CENPC: variants seen among roughly 807,000 people sequenced by gnomAD.
The protein encoded by CENPC is centromere protein C.
A neutral mutation model predicts 112.1 loss-of-function variants in CENPC; 63 were observed. That is an observed-to-expected ratio of 0.56 (90% CI 0.46 to 0.69). The LOEUF is 0.69. CENPC is among the 30% of genes least tolerant of loss of function. The probability of loss-of-function intolerance (pLI) is 0.00; values close to 1 mark genes in which losing one functional copy is unlikely to be tolerated. For missense variants in CENPC, 1,000 were observed against 1,103.8 expected (o/e 0.91, Z 1.33); for synonymous variants, 333 against 367.6 (o/e 0.91, Z 1.08).
chr4:67,501,016 A>G (rs1440865671), intron 12 of CENPC, among the ~76,000 whole-genome samples: 1 of 152,162 alleles, frequency 6.6e-6, no homozygotes, highest in Non-Finnish European at 1.5e-5. Flanking sequence ...ATCAGGATTG[A>G]TATCATGTCA....
intron 12 of CENPC, among the ~76,000 whole-genome samples, chr4:67,498,137 G>C (rs58009718): frequency 6.6e-6 from 1 of 151,906 alleles, no homozygotes; most frequent in Non-Finnish European, 1.5e-5. Flanking sequence ...TGGTGGCTGC[G>C]GCAAGAGAAT....
At chr4:67,515,823 G>C (rs1726044055) in intron 7 of CENPC, among the ~76,000 whole-genome samples, 1 of 151,738 alleles carries the variant, frequency 6.6e-6, no homozygotes, top group South Asian at 2.1e-4. Context: ...ACAGAAACAG[G>C]AAAAATAAAA....
rs544517648 is a variant in CENPC, at chr4:67,495,323, G to A, written c.2132-111C>T. 26 of 1,008,224 alleles carry A rather than the reference G, an allele frequency of 2.6e-5. No individual in the cohort carries two copies. The East Asian group carries it at 7.0e-4, about 27-fold the overall frequency. 62.5% of individuals were successfully genotyped at this position (1,008,224 alleles called of 1,614,324 possible). ...GAGTATTTTAAATAAAGTTTGACCT[G>A]ATAATGTATTTTATTACTCCTTTTG... On this transcript the variant is annotated intron_variant, in intron 12 of 18. Coordinates refer to ENST00000273853, the MANE Select transcript of CENPC (RefSeq NM_001812.4).
chr4:67,487,560 T>A (rs1725127055), intron 17 of CENPC, among the ~76,000 whole-genome samples: 2 of 151,796 alleles, frequency 1.3e-5, no homozygotes, highest in South Asian at 4.1e-4. Context: ...CTGGTTCTTT[T>A]AAGTAGGTTG....
chr4:67,517,428 C>T (rs1442403406), intron 7 of CENPC, among the ~76,000 whole-genome samples: 1 of 151,628 alleles, frequency 6.6e-6, no homozygotes, highest in Non-Finnish European at 1.5e-5. Flanking sequence ...TATCAAAGTG[C>T]TAGCATTACA....
Position 67,492,959 on chromosome 4 carries a change from T to C in CENPC, c.2329A>G (p.Ile777Val), listed in dbSNP as rs1725325433. Residue 777 changes from isoleucine (I) to valine (V), a missense_variant, in exon 15 of 19, where the codon ATA becomes GTA. Ile to Val is a conservative substitution (Grantham distance 29, BLOSUM62 3). Transcript: ENST00000273853. ...TCTTTTGCCTTCCTTTTAGACGATATTGTGTCTGGAGATAGTACTCCACTA... is the reference window on the plus strand; with the variant it reads ...TCTTTTGCCTTCCTTTTAGACGATACTGTGTCTGGAGATAGTACTCCACTA... Reference protein sequence around the residue: ...VISGVLSPDTISSKRKAKENI... With the variant: ...VISGVLSPDTVSSKRKAKENI... The C allele has an allele frequency of 1.3e-6, 2 of 1,552,100 alleles. No homozygotes were observed. Among genetic ancestry groups the C allele is most frequent in the Non-Finnish European group, 8.7e-7 (1 of 1,148,190 alleles).
At position 67,508,911 on chromosome 4, in the gene CENPC, T is replaced by C; in HGVS notation, c.1807A>G (p.Ile603Val). 1 of 1,613,714 alleles carries C rather than the reference T, an allele frequency of 6.2e-7. No individual in the cohort carries two copies. The highest frequency in any genetic ancestry group is 1.7e-4 in the Middle Eastern group (1 of 6,054). Residue 603 changes from isoleucine to valine, a missense_variant, in exon 10 of 19, where the codon ATC (isoleucine) becomes GTC (valine). By Grantham distance (29) the Ile-to-Val change is conservative (BLOSUM62 3). Coordinates refer to ENST00000273853, the MANE Select transcript of CENPC (RefSeq NM_001812.4). ...KFLNAEGSGG[I>V]VGHDEISRCS... is the part of the protein sequence containing the mutation. ...CTGGAAATTTCATCATGACCAACGA[T>C]ACCTCCAGAACCTTCAGCATTTAAA...
At chr4:67,531,518 C>T (rs904351810) in intron 4 of CENPC, among the ~76,000 whole-genome samples, 7 of 152,180 alleles carry the variant, frequency 4.6e-5, no homozygotes, top group Non-Finnish European at 1.0e-4. Context: ...CGCCAGCCTG[C>T]CTAGACTGTT....
intron 7 of CENPC, 30 bp downstream of exon 7, chr4:67,518,126 G>A: frequency 8.2e-7 from 1 of 1,218,602 alleles, no homozygotes; most frequent in Non-Finnish European, 1.1e-6. Context: ...AAAGAAAAAT[G>A]TCTCAAAGGG....
chr4:67,493,749 G>T, intron 14 of CENPC, 135 bp downstream of exon 14: 2 of 575,248 alleles, frequency 3.5e-6, no homozygotes, highest in South Asian at 4.4e-5. Flanking sequence ...AGACAAAAAT[G>T]AATTTAAATC....
rs540938441 is a variant in CENPC at position 67,522,434 on chromosome 4, C to T, written c.332-2932G>A. ...ACACATATTTGACACCTGGTCTTGACTGCAGGCTGGGAGTCTTTTCTCTCC... is the reference window on the plus strand; with the variant it reads ...ACACATATTTGACACCTGGTCTTGATTGCAGGCTGGGAGTCTTTTCTCTCC... On this transcript the variant is annotated intron_variant, in intron 5 of 18. Coordinates refer to ENST00000273853, the MANE Select transcript of CENPC (RefSeq NM_001812.4). 3.3e-5 allele frequency among the ~76,000 whole-genome samples: 5 copies of T among 152,274 alleles called. No homozygotes were observed. The South Asian group carries it at 1.0e-3, about 32-fold the overall frequency.
intron 12 of CENPC, among the ~76,000 whole-genome samples, chr4:67,498,609 A>C (rs542969865): frequency 6.6e-6 from 1 of 152,338 alleles, no homozygotes; most frequent in African/African-American, 2.4e-5. Context: ...TCGTTCTTCC[A>C]TAAGAAGCAA....
Position 67,518,145 on chromosome 4 carries a change from T to C in CENPC, c.830+11A>G, listed in dbSNP as rs1174099545. The C allele has an allele frequency of 6.8e-7, 1 of 1,464,018 alleles. No individual in the cohort carries two copies. Among genetic ancestry groups the C allele is most frequent in the East Asian group, 2.4e-5 (1 of 41,342 alleles). 90.7% of individuals were successfully genotyped at this position (1,464,018 alleles called of 1,614,324 possible). ...AAAAATGTCTCAAAGGGCAGTTTCT[T>C]AATAACTCACCTGGATTCACTTTTT... On this transcript the variant is annotated intron_variant, in intron 7 of 18. Coordinates refer to ENST00000273853, the MANE Select transcript of CENPC (RefSeq NM_001812.4).
rs1477974807 is a variant in CENPC, at chr4:67,491,466, TATATATATATATATAG to T, written c.2515+698_2515+713del. Among the ~76,000 whole-genome samples, 227 of 61,240 alleles carry T rather than the reference TATATATATATATATAG, an allele frequency of 3.7e-3. 3 individuals are homozygous for T. Among genetic ancestry groups the T allele is most frequent in the African/African-American group, 0.012 (205 of 17,564 alleles). The allele number at this position is 61,240 out of a possible 152,430, so 40.2% of individuals were successfully genotyped here. ...TATTTCATATATATATATATATATA[TATATATATATATATAG>T]AGAGAGAGAGAGAGAGAGAGAGAGA... is the stretch of plus-strand genomic sequence containing the variant. On this transcript the variant is annotated intron_variant, in intron 16 of 18. Coordinates refer to ENST00000273853, the MANE Select transcript of CENPC (RefSeq NM_001812.4).
At chr4:67,541,348 G>T (rs1431992821) in intron 2 of CENPC, among the ~76,000 whole-genome samples, 4 of 151,962 alleles carry the variant, frequency 2.6e-5, no homozygotes, top group African/African-American at 9.7e-5. Context: ...AAATTTTTTT[G>T]AATGAATCCA....
chr4:67,514,627 C>G lies in CENPC; in HGVS notation c.891G>C (p.Lys297Asn), dbSNP rs1406665977. The G allele has an allele frequency of 6.2e-7, 1 of 1,607,788 alleles. No homozygotes were observed. The highest frequency in any genetic ancestry group is 8.5e-7 in the Non-Finnish European group (1 of 1,177,230). Residue 297 changes from lysine (K) to asparagine (N), a missense_variant, in exon 8 of 19, where the codon AAG becomes AAC. Transcript: ENST00000273853. ...PPHSCPPDDT[K>N]LIEDEFIIDE... is the part of the protein sequence containing the mutation. ...CAATTATAAATTCATCCTCTATCAA[C>G]TTCGTATCATCGGGAGGACACGAAT...
chr4:67,489,495 T>TC, intron 17 of CENPC, among the ~76,000 whole-genome samples: 1 of 152,086 alleles, frequency 6.6e-6, no homozygotes, highest in African/African-American at 2.4e-5. Flanking sequence ...CAGGTTACTG[T>TC]TTTATTGATA....
chr4:67,491,379 T>C (rs1725253539), intron 16 of CENPC, among the ~76,000 whole-genome samples: 1 of 148,124 alleles, frequency 6.8e-6, no homozygotes, highest in Non-Finnish European at 1.5e-5. Flanking sequence ...TCTCCTCTGA[T>C]ATAGGACAAA....
intron 5 of CENPC, among the ~76,000 whole-genome samples, chr4:67,520,218 C>CT (rs1726183671): frequency 6.6e-6 from 1 of 152,158 alleles, no homozygotes; most frequent in African/African-American, 2.4e-5. Context: ...TCCTTACTAC[C>CT]TGCATTGGCA....
Sources: gnomAD v4.1 joint callset for allele counts (sites outside exome capture counted in the v4.1 genomes callset) on GRCh38, gnomAD v4.1.1 for gene constraint, MANE v1.5 for transcripts, NCBI Gene and HGNC (gene_info 2026-07-23, HGNC 2026-07-21) for gene names.